TBXAS1: variants seen among roughly 807,000 people sequenced by gnomAD.
The protein encoded by TBXAS1 is thromboxane A synthase 1.
TBXAS1 carries 48 observed loss-of-function variants against 60.7 expected under a neutral mutation model. That is an observed-to-expected ratio of 0.79 (90% CI 0.63 to 1.01). The LOEUF is 1.01. Ranked by LOEUF, TBXAS1 falls within the 50% of genes least tolerant of loss-of-function variation. The pLI is 0.00. For synonymous variants in TBXAS1, 287 were observed against 269.7 expected, an observed-to-expected ratio of 1.06 and a Z score of -0.63; for missense variants, 685 against 686.3, an observed-to-expected ratio of 1.00 and a Z score of 0.02.
At chr7:139,945,343 G>A (rs1031531729) in intron 5 of TBXAS1, among the ~76,000 whole-genome samples, 5 of 152,218 alleles carry the variant, frequency 3.3e-5, no homozygotes, top group South Asian at 2.1e-4. Flanking sequence ...GAGGACCCAC[G>A]TTCAGAGAGA....
intron 4 of TBXAS1, among the ~76,000 whole-genome samples, chr7:139,915,162 A>T (rs1455614456): frequency 1.3e-5 from 2 of 152,184 alleles, no homozygotes; most frequent in African/African-American, 2.4e-5. Flanking sequence ...AACAACCCTT[A>T]GTGACTCAAT....
chr7:139,951,949 G>GAAAA (rs199596199), intron 5 of TBXAS1, among the ~76,000 whole-genome samples: 10 of 44,454 alleles, frequency 2.2e-4, no homozygotes, highest in Non-Finnish European at 3.0e-4. Flanking sequence ...AGGAAAGAAA[G>GAAAA]AAAAGAAAGA....
intron 4 of TBXAS1, among the ~76,000 whole-genome samples, chr7:139,789,803 G>A (rs570528386): frequency 6.6e-6 from 1 of 151,786 alleles, no homozygotes; most frequent in Non-Finnish European, 1.5e-5. Flanking sequence ...GCTAATTTTT[G>A]CATTTTTACT....
At chr7:139,887,842 C>T (rs926234470) in intron 3 of TBXAS1, among the ~76,000 whole-genome samples, 5 of 152,128 alleles carry the variant, frequency 3.3e-5, no homozygotes, top group African/African-American at 1.2e-4. Context: ...CTTTGAAGAC[C>T]GTCATACTGT....
intron 1 of TBXAS1, among the ~76,000 whole-genome samples, chr7:139,853,573 C>T (rs945268443): frequency 6.6e-6 from 1 of 152,072 alleles, no homozygotes; most frequent in African/African-American, 2.4e-5. Flanking sequence ...CAGCCGGGCT[C>T]CTGGCTCACA....
In TBXAS1 at chr7:139,896,519, C is replaced by A. The variant is rs1422503641; in HGVS notation, c.237-14706C>A. On this transcript the variant is annotated intron_variant, in intron 3 of 12. Coordinates refer to ENST00000448866, the MANE Select transcript of TBXAS1 (RefSeq NM_001061.7). The surrounding 1 kb of genome is among the most constrained non-coding windows in gnomAD (Gnocchi z 4.0). The stretch of plus-strand genomic sequence containing the variant: ...TGCCACAGTGAACTCACAGGGGCTT[C>A]CTGGGCTATGGTATTTTACACATTC... Among the ~76,000 whole-genome samples the A allele has an allele frequency of 1.3e-5, 2 of 152,178 alleles. No individual in the cohort carries two copies. Among genetic ancestry groups the A allele is most frequent in the African/African-American group, 4.8e-5 (2 of 41,422 alleles).
intron 3 of TBXAS1, among the ~76,000 whole-genome samples, chr7:139,885,215 A>C (rs1385578713): frequency 2.0e-5 from 3 of 152,246 alleles, no homozygotes. Context: ...CCTCATTAGT[A>C]ACTATCAAAT....
At chr7:139,803,482 C>A (rs979148810) in intron 4 of TBXAS1, among the ~76,000 whole-genome samples, 1 of 152,128 alleles carries the variant, frequency 6.6e-6, no homozygotes, top group Non-Finnish European at 1.5e-5. Flanking sequence ...AAAGAAAAAC[C>A]CATTTTCTGG....
chr7:139,870,989 T>C (rs1801781523), intron 1 of TBXAS1, among the ~76,000 whole-genome samples: 1 of 152,170 alleles, frequency 6.6e-6, no homozygotes, highest in African/African-American at 2.4e-5. Context: ...CTTGGGAAGC[T>C]GAGGCAGGAG....
chr7:140,012,625 A>G (rs1814710631), intron 10 of TBXAS1, among the ~76,000 whole-genome samples: 1 of 152,080 alleles, frequency 6.6e-6, no homozygotes, highest in Admixed American at 6.5e-5. Flanking sequence ...TGCTTGGCTA[A>G]TTTGGGTATT....
intron 9 of TBXAS1, among the ~76,000 whole-genome samples, chr7:139,971,857 T>C (rs1267754553): frequency 6.6e-6 from 1 of 152,116 alleles, no homozygotes; most frequent in South Asian, 2.1e-4. Flanking sequence ...CTCCTTCCCC[T>C]CTTTCTTCCC....
At chr7:139,804,168 G>C (rs1056388755) in intron 4 of TBXAS1, among the ~76,000 whole-genome samples, 6 of 152,230 alleles carry the variant, frequency 3.9e-5, no homozygotes, top group Non-Finnish European at 8.8e-5. Context: ...GCCCAGGGCT[G>C]TGGGAGCCCA....
intron 3 of TBXAS1, among the ~76,000 whole-genome samples, chr7:139,907,701 C>A (rs11973494): frequency 0.28 from 42,393 of 151,868 alleles, 6,264 homozygotes; most frequent in South Asian, 0.43. Flanking sequence ...TTTGCTTCAA[C>A]CATCAAGTAT....
chr7:139,864,060 G>T (rs1801170045), intron 1 of TBXAS1, among the ~76,000 whole-genome samples: 1 of 152,116 alleles, frequency 6.6e-6, no homozygotes, highest in Non-Finnish European at 1.5e-5. Flanking sequence ...TTGTACTAGA[G>T]ATTTTAGCCA....
At chr7:140,011,172 G>A (rs1302835675) in intron 10 of TBXAS1, among the ~76,000 whole-genome samples, 1 of 151,940 alleles carries the variant, frequency 6.6e-6, no homozygotes, top group Non-Finnish European at 1.5e-5. Context: ...AGCTACAAGG[G>A]AGGCTAAGGC....
At chr7:139,877,650 T>C (rs1802345234) in intron 3 of TBXAS1, among the ~76,000 whole-genome samples, 1 of 151,996 alleles carries the variant, frequency 6.6e-6, no homozygotes, top group Admixed American at 6.6e-5. Context: ...CTCAAACTCC[T>C]GACCTCAAGT....
chr7:139,814,650 G>C (rs756271629), intron 4 of TBXAS1, among the ~76,000 whole-genome samples: 1 of 152,248 alleles, frequency 6.6e-6, no homozygotes, highest in East Asian at 1.9e-4. Context: ...TTCTAGAGCT[G>C]AGCAACAAGA....
At chr7:139,938,721 C>T (rs1448316872) in intron 5 of TBXAS1, among the ~76,000 whole-genome samples, 1 of 151,976 alleles carries the variant, frequency 6.6e-6, no homozygotes, top group Non-Finnish European at 1.5e-5. Context: ...TGTCTGTATT[C>T]AAAAGCAATG....
chr7:139,985,800 G>A (rs1812411512), intron 9 of TBXAS1, among the ~76,000 whole-genome samples: 1 of 152,200 alleles, frequency 6.6e-6, no homozygotes, highest in South Asian at 2.1e-4. Flanking sequence ...AGCATCACAG[G>A]TGCCCTGAGG....
Sources: allele counts gnomAD v4.1 joint callset (sites outside exome capture counted in the v4.1 genomes callset), GRCh38; gene constraint gnomAD v4.1.1; non-coding constraint Gnocchi (gnomAD v3.1); transcripts MANE v1.5; gene names NCBI Gene and HGNC (gene_info 2026-07-23, HGNC 2026-07-21).